GOLM1: variants seen among roughly 807,000 people sequenced by gnomAD.
GOLM1 encodes the protein epididymis luminal protein 46.
A neutral mutation model predicts 50.5 loss-of-function variants in GOLM1; 31 were observed. That is an observed-to-expected ratio of 0.61 (90% CI 0.46 to 0.83). The LOEUF is 0.83. Among genes scored for constraint, GOLM1 ranks in the 40% least tolerant of loss-of-function variants. GOLM1 has a pLI of 0.00. For synonymous variants in GOLM1, 178 were observed against 192.8 expected (o/e 0.92, Z 0.64); for missense variants, 491 against 501.3 (o/e 0.98, Z 0.20).
intron 1 of GOLM1, among the ~76,000 whole-genome samples, chr9:86,098,812 C>T (rs901479397): frequency 6.6e-6 from 1 of 152,218 alleles, no homozygotes; most frequent in South Asian, 2.1e-4. Flanking sequence ...CGAGCATCCA[C>T]GAGAACGGGA....
rs536949931 is a variant in GOLM1, at chr9:86,080,359, T to C, written c.-21-1018A>G. 2.6e-5 allele frequency among the ~76,000 whole-genome samples: 4 copies of C among 152,152 alleles called. No individual in the cohort carries two copies. The East Asian group carries it at 7.7e-4, about 29-fold the overall frequency. On this transcript the variant is annotated intron_variant, in intron 1 of 9. Coordinates refer to ENST00000388712, the MANE Select transcript of GOLM1 (RefSeq NM_016548.4). ...AAAGTAGACTTTTCCAAATGGCTTT[T>C]CCCAAGCCAGATAAAACAGAACCTT...
chr9:86,095,490 C>T (rs1325391427), intron 1 of GOLM1, among the ~76,000 whole-genome samples: 5 of 151,758 alleles, frequency 3.3e-5, no homozygotes, highest in African/African-American at 4.8e-5. Context: ...TGAAGTGATC[C>T]GCCCACCTCA....
At chr9:86,031,738 G>T (rs576480341) in intron 9 of GOLM1, among the ~76,000 whole-genome samples, 2 of 151,782 alleles carry the variant, frequency 1.3e-5, no homozygotes, top group South Asian at 2.1e-4. Context: ...CTGGGTTACA[G>T]GTGTTAGCCA....
chr9:86,050,113 T>C lies in GOLM1; in HGVS notation c.364+2424A>G, dbSNP rs145839881. Among the ~76,000 whole-genome samples, 1,404 of 152,352 alleles carry C rather than the reference T, an allele frequency of 9.2e-3. 25 individuals carry two copies. The highest frequency in any genetic ancestry group is 0.032 in the African/African-American group (1,321 of 41,584). On this transcript the variant is annotated intron_variant, in intron 4 of 9. Transcript: ENST00000388712. Reference sequence around the variant, plus strand: ...TTGTCAAAGGCCTTTTCTGCATCTATTGAGATAATCAATGTGGTTTTTATC... The same window carrying C: ...TTGTCAAAGGCCTTTTCTGCATCTACTGAGATAATCAATGTGGTTTTTATC...
At chr9:86,070,874 G>A (rs1356912149) in intron 3 of GOLM1, among the ~76,000 whole-genome samples, 1 of 152,180 alleles carries the variant, frequency 6.6e-6, no homozygotes, top group Non-Finnish European at 1.5e-5. Flanking sequence ...GATCTGATCT[G>A]CAGGCCAGGA....
chr9:86,084,447 T>A (rs1347768065), intron 1 of GOLM1, among the ~76,000 whole-genome samples: 5 of 152,140 alleles, frequency 3.3e-5, no homozygotes, highest in Non-Finnish European at 7.3e-5. Context: ...CTGCCAGGGA[T>A]ACATAACCTC....
intron 1 of GOLM1, among the ~76,000 whole-genome samples, chr9:86,080,483 G>A (rs1281127364): frequency 6.6e-6 from 1 of 151,960 alleles, no homozygotes; most frequent in Non-Finnish European, 1.5e-5. Flanking sequence ...AGGGGATGGT[G>A]GGCAAAAAAG....
intron 3 of GOLM1, among the ~76,000 whole-genome samples, chr9:86,067,919 TG>T (rs1834350484): frequency 4.6e-5 from 7 of 152,112 alleles, no homozygotes; most frequent in African/African-American, 1.7e-4. Flanking sequence ...GGCAGGAGAA[TG>T]ACTTGAACCT....
intron 3 of GOLM1, 87 bp downstream of exon 3, chr9:86,077,325 G>A (rs1245569080): frequency 5.8e-5 from 62 of 1,066,918 alleles, no homozygotes; most frequent in Non-Finnish European, 7.5e-5. Context: ...AAACCCAGCC[G>A]CTTGCTCATC....
chr9:86,088,457 T>TATATATATATATATA (rs1835058531), intron 1 of GOLM1, among the ~76,000 whole-genome samples: 1 of 134,892 alleles, frequency 7.4e-6, no homozygotes, highest in African/African-American at 2.7e-5. Flanking sequence ...TATATATATA[T>TATATATATATATATA]TTAGGATAGA....
intron 3 of GOLM1, among the ~76,000 whole-genome samples, chr9:86,057,706 G>A (rs564519195): frequency 2.0e-5 from 3 of 152,332 alleles, no homozygotes; most frequent in Non-Finnish European, 4.4e-5. Flanking sequence ...CTGGGTGAGC[G>A]TGGAGGGCAA....
intron 3 of GOLM1, among the ~76,000 whole-genome samples, chr9:86,063,802 G>A (rs912213553): frequency 5.3e-5 from 8 of 152,158 alleles, no homozygotes; most frequent in African/African-American, 1.2e-4. Flanking sequence ...ACACGCCAAC[G>A]CTCTTTCTAG....
rs1833547763 is a variant in GOLM1, at chr9:86,046,488, C to G, written c.449G>C (p.Arg150Thr). Residue 150 changes from arginine (R) to threonine (T), a missense_variant, in exon 5 of 10, where the codon AGG becomes ACG. Arg to Thr is a moderately conservative substitution (Grantham distance 71, BLOSUM62 -1). Coordinates refer to ENST00000388712, the MANE Select transcript of GOLM1 (RefSeq NM_016548.4). Reference sequence around the variant, plus strand: ...TACTCACAGGTCGTAGGAGAACTTCCTCTCCAGGTTGGTCTGGTTCTTCTG... The same window carrying G: ...TACTCACAGGTCGTAGGAGAACTTCGTCTCCAGGTTGGTCTGGTTCTTCTG... ...QFQKNQTNLE[R>T]KFSYDLSQCI... 2 of 1,607,694 alleles carry G rather than the reference C, an allele frequency of 1.2e-6. No homozygotes were observed. Among genetic ancestry groups the G allele is most frequent in the Non-Finnish European group, 1.7e-6 (2 of 1,174,066 alleles).
chr9:86,093,250 GC>G (rs1361923790), intron 1 of GOLM1, among the ~76,000 whole-genome samples: 6 of 152,050 alleles, frequency 3.9e-5, no homozygotes, highest in Non-Finnish European at 7.4e-5. Context: ...GGTGGTGTGT[GC>G]CTGTAATCCC....
At chr9:86,061,443 C>T (rs1298349746) in intron 3 of GOLM1, among the ~76,000 whole-genome samples, 1 of 152,078 alleles carries the variant, frequency 6.6e-6, no homozygotes, top group Non-Finnish European at 1.5e-5. Context: ...CAACAATTAT[C>T]AACTATGACA....
chr9:86,028,976 G>A (rs1832882417), intron 9 of GOLM1, among the ~76,000 whole-genome samples: 1 of 151,488 alleles, frequency 6.6e-6, no homozygotes, highest in Admixed American at 6.6e-5. Flanking sequence ...AGCTTCCCGA[G>A]TAGCTGGGAC....
intron 3 of GOLM1, among the ~76,000 whole-genome samples, chr9:86,076,146 C>T (rs1196359390): frequency 2.6e-5 from 4 of 151,990 alleles, no homozygotes; most frequent in South Asian, 2.1e-4. Flanking sequence ...AGGCCAGGTG[C>T]GGTGGCTCAT....
At chr9:86,070,083 C>T (rs1301641217) in intron 3 of GOLM1, among the ~76,000 whole-genome samples, 2 of 151,858 alleles carry the variant, frequency 1.3e-5, no homozygotes, top group Admixed American at 6.6e-5. Flanking sequence ...CAGGGTTTCA[C>T]CATGTTGGCG....
chr9:86,087,504 T>C (rs535560502), intron 1 of GOLM1, among the ~76,000 whole-genome samples: 48 of 152,346 alleles, frequency 3.2e-4, no homozygotes, highest in South Asian at 8.3e-4. Context: ...AGAGAGGACA[T>C]CCTTGTCTTG....
Sources: allele counts gnomAD v4.1 joint callset (sites outside exome capture counted in the v4.1 genomes callset), GRCh38; gene constraint gnomAD v4.1.1; transcripts MANE v1.5; gene names NCBI Gene and HGNC (gene_info 2026-07-23, HGNC 2026-07-21).